The following ARMC2 variants were observed in gnomAD, a reference collection of about 807,000 sequenced individuals.
The protein encoded by ARMC2 is armadillo repeat-containing protein 2.
In ARMC2, 67 loss-of-function variants were observed where a neutral mutation model predicts 90.3. The observed-to-expected ratio is 0.74, with a 90% confidence interval of 0.61 to 0.91. ARMC2 has a LOEUF of 0.91. ARMC2 is among the 40% of genes least tolerant of loss of function. ARMC2 has a pLI of 0.00. For synonymous variants in ARMC2, 393 were observed against 393.0 expected (o/e 1.00, Z 0.00); for missense variants, 920 against 1,030.9 (o/e 0.89, Z 1.47).
At chr6:108,892,378 T>C (rs1396921887) in intron 5 of ARMC2, among the ~76,000 whole-genome samples, 2 of 152,168 alleles carry the variant, frequency 1.3e-5, no homozygotes, top group South Asian at 2.1e-4. Flanking sequence ...AGCAGTTATT[T>C]CTGAATATTA....
chr6:109,040,585 T>C, the ARMC2 span, among the ~76,000 whole-genome samples: 10 of 152,302 alleles, frequency 6.6e-5, no homozygotes, highest in South Asian at 2.1e-3. Context: ...GAATTCTTGG[T>C]GTCGCTTCCC....
chr6:108,987,738 A>G, the ARMC2 span: 2 of 591,466 alleles, frequency 3.4e-6, no homozygotes, highest in Non-Finnish European at 6.1e-6. Flanking sequence ...TACACTTCCT[A>G]TGTAGTACAG....
chr6:109,022,411 C>CTTTT, the ARMC2 span, among the ~76,000 whole-genome samples: 11 of 65,880 alleles, frequency 1.7e-4, no homozygotes, highest in Admixed American at 3.9e-4. Context: ...TGTTCTAAAG[C>CTTTT]TTTTTTTTTT....
chr6:108,912,200 C>A, intron 9 of ARMC2, 135 bp from the exon 10 acceptor site: 1 of 677,068 alleles, frequency 1.5e-6, no homozygotes, highest in Non-Finnish European at 2.4e-6. Flanking sequence ...CTATATAACT[C>A]TTAACAAGCA....
intron 6 of ARMC2, 120 bp downstream of exon 6, chr6:108,894,663 A>G: frequency 1.3e-6 from 1 of 778,940 alleles, no homozygotes; most frequent in Non-Finnish European, 1.9e-6. Flanking sequence ...TTGGTCACAA[A>G]TCAACATTTA....
At chr6:109,019,206 C>T in the ARMC2 span, among the ~76,000 whole-genome samples, 2 of 151,704 alleles carry the variant, frequency 1.3e-5, no homozygotes, top group Non-Finnish European at 3.0e-5. Context: ...CACACACAAA[C>T]ACACACACAG....
At chr6:108,884,895 A>T (rs1291127194) in intron 5 of ARMC2, among the ~76,000 whole-genome samples, 1 of 152,162 alleles carries the variant, frequency 6.6e-6, no homozygotes. Context: ...GGCATTCAGA[A>T]TGGAAAGCAG....
chr6:109,001,020 A>G, the ARMC2 span, among the ~76,000 whole-genome samples: 1 of 152,192 alleles, frequency 6.6e-6, no homozygotes, highest in Admixed American at 6.5e-5. Flanking sequence ...CACTTATGTC[A>G]ATGTGAACTA....
At chr6:108,970,778 G>T (rs926833454) in intron 17 of ARMC2, among the ~76,000 whole-genome samples, 1 of 151,956 alleles carries the variant, frequency 6.6e-6, no homozygotes, top group Non-Finnish European at 1.5e-5. Flanking sequence ...GATTATAGGC[G>T]TGAGCCACCG....
rs1364610731 is a variant in ARMC2, at chr6:108,938,385, A to AT, written c.1596+1388dup. The stretch of plus-strand genomic sequence containing the variant: ...CCCAGCTTTAGCCTCCCAAGTAGGG[A>AT]TTACAGGCATGTGCCACCACACCTG... On this transcript the variant is annotated intron_variant, in intron 12 of 17. Coordinates refer to ENST00000392644, the MANE Select transcript of ARMC2 (RefSeq NM_032131.6). Among the ~76,000 whole-genome samples the AT allele has an allele frequency of 2.7e-5, 4 of 149,550 alleles. No homozygotes were observed. The East Asian group carries it at 6.0e-4, about 22-fold the overall frequency.
At chr6:108,860,661 CAAAAA>C (rs61194526) in intron 3 of ARMC2, among the ~76,000 whole-genome samples, 1 of 60,070 alleles carries the variant, frequency 1.7e-5, no homozygotes, top group Non-Finnish European at 3.4e-5. Context: ...GACTCCATCT[CAAAAA>C]AAAAAAAAAA....
chr6:108,987,491 T>G, the ARMC2 span: 2 of 1,004,648 alleles, frequency 2.0e-6, no homozygotes, highest in Non-Finnish European at 3.1e-6. Context: ...CCTTCCCCCT[T>G]GTAGACTATA....
intron 11 of ARMC2, among the ~76,000 whole-genome samples, chr6:108,932,516 C>CTTTTTTTTTTTTTT (rs60000198): frequency 7.7e-5 from 6 of 77,908 alleles, no homozygotes; most frequent in African/African-American, 3.5e-4. Flanking sequence ...TTCTCCATTG[C>CTTTTTTTTTTTTTT]TTTTTTTTTT....
chr6:108,935,544 C>T (rs947961787), intron 11 of ARMC2, among the ~76,000 whole-genome samples: 4 of 152,082 alleles, frequency 2.6e-5, no homozygotes, highest in Admixed American at 1.3e-4. Flanking sequence ...CAGGTTCAAG[C>T]GATTCTCCTG....
chr6:109,041,989 C>G, the ARMC2 span, among the ~76,000 whole-genome samples: 30 of 151,960 alleles, frequency 2.0e-4, no homozygotes, highest in African/African-American at 7.2e-4. Context: ...GAAAATCATG[C>G]AAAGTATGTG....
At chr6:108,999,923 A>G in the ARMC2 span, 2 of 152,210 alleles carry the variant, frequency 1.3e-5, no homozygotes, top group African/African-American at 2.4e-5. Flanking sequence ...AAACTATGGC[A>G]TAACTATACA....
chr6:108,950,677 AAGCTT>A (rs1386406054), intron 12 of ARMC2, among the ~76,000 whole-genome samples: 1 of 152,194 alleles, frequency 6.6e-6, no homozygotes, highest in African/African-American at 2.4e-5. Flanking sequence ...ATTGGATAGT[AAGCTT>A]AGTACCTGGG....
At chr6:108,974,520 G>A (rs1778942305), downstream of ARMC2, 1 of 152,156 alleles carries the variant, frequency 6.6e-6, no homozygotes, top group Admixed American at 6.5e-5. Context: ...AAATGAAGAT[G>A]AGTTGGAAAT....
At chr6:108,963,298 T>C (rs1778130426) in intron 15 of ARMC2, among the ~76,000 whole-genome samples, 1 of 152,240 alleles carries the variant, frequency 6.6e-6, no homozygotes, top group African/African-American at 2.4e-5. Flanking sequence ...TTTAAAAACA[T>C]AACTCTCCAT....
Sources: gnomAD v4.1 joint callset for allele counts (sites outside exome capture counted in the v4.1 genomes callset) on GRCh38, gnomAD v4.1.1 for gene constraint, MANE v1.5 for transcripts, NCBI Gene and HGNC (gene_info 2026-07-23, HGNC 2026-07-21) for gene names.